The following NRXN3 variants were observed in gnomAD, a reference collection of about 807,000 sequenced individuals.
NRXN3 encodes the protein neurexin 3.
Under a neutral mutation model 137.6 loss-of-function variants are expected in NRXN3, and 32 were observed. The observed-to-expected ratio is 0.23, with a 90% CI of 0.18 to 0.31. The LOEUF is 0.31. Among genes scored for constraint, NRXN3 ranks in the 10% least tolerant of loss-of-function variants. The probability of loss-of-function intolerance (pLI) is 1.00; values close to 1 mark genes in which losing one functional copy is unlikely to be tolerated. For synonymous variants in NRXN3, 798 were observed against 784.5 expected (o/e 1.02, Z -0.29); for missense variants, 1,574 against 2,062.5 (o/e 0.76, Z 4.59).
intron 19 of NRXN3, among the ~76,000 whole-genome samples, chr14:79,749,662 A>G (rs538854109): frequency 9.9e-5 from 15 of 152,180 alleles, no homozygotes; most frequent in African/African-American, 3.6e-4. Flanking sequence ...GTTGCCTCAC[A>G]TTGGATGTCA....
chr14:78,642,918 A>G (rs2097649664), intron 4 of NRXN3, among the ~76,000 whole-genome samples: 2 of 152,188 alleles, frequency 1.3e-5, no homozygotes, highest in African/African-American at 4.8e-5. Flanking sequence ...TACATGTGCA[A>G]GCTACCCTGT....
intron 19 of NRXN3, among the ~76,000 whole-genome samples, chr14:79,721,908 C>A (rs759439011): frequency 4.6e-5 from 7 of 152,082 alleles, no homozygotes; most frequent in Non-Finnish European, 1.0e-4. Context: ...AGATCTTACT[C>A]ACTTTTAATC....
chr14:79,796,587 G>T (rs1434027477), intron 19 of NRXN3, among the ~76,000 whole-genome samples: 1 of 152,092 alleles, frequency 6.6e-6, no homozygotes, highest in Non-Finnish European at 1.5e-5. Flanking sequence ...GACCTCAAGG[G>T]TAGAAATAAA....
chr14:78,499,122 ATTAT>A (rs1180434989), intron 4 of NRXN3, among the ~76,000 whole-genome samples: 2 of 152,094 alleles, frequency 1.3e-5, no homozygotes, highest in East Asian at 3.9e-4. Context: ...AATGTGAGCT[ATTAT>A]TTCTCTTTCT....
At chr14:78,756,109 A>G (rs1326885123) in intron 8 of NRXN3, among the ~76,000 whole-genome samples, 1 of 152,190 alleles carries the variant, frequency 6.6e-6, no homozygotes, top group East Asian at 1.9e-4. Flanking sequence ...AGAGTCATTG[A>G]GGGCTTCCCT....
chr14:78,582,404 G>T lies in NRXN3; in HGVS notation c.758-62716G>T, dbSNP rs148740508. Among the ~76,000 whole-genome samples, 856 of 152,298 alleles carry T rather than the reference G, an allele frequency of 5.6e-3. 6 individuals are homozygous for T. The highest frequency in any genetic ancestry group is 0.02 in the African/African-American group (819 of 41,570). On this transcript the variant is annotated intron_variant, in intron 4 of 20. Coordinates refer to ENST00000335750, the MANE Select transcript of NRXN3 (RefSeq NM_001330195.2). ...GCATCTCTTTCTAAATTGTTATTAT[G>T]AAGAGAATAGCTACTGTGGTTTGAA...
chr14:78,803,714 C>T lies in NRXN3; in HGVS notation c.2139C>T (p.Phe713=), dbSNP rs2098846380. The T allele has an allele frequency of 6.2e-7, 1 of 1,614,090 alleles. No homozygotes were observed. The highest frequency in any genetic ancestry group is 8.5e-7 in the Non-Finnish European group (1 of 1,179,974). Residue 713 remains phenylalanine (F), a synonymous_variant, in exon 9 of 21, where the codon TTC becomes TTT. Coordinates refer to ENST00000335750, the MANE Select transcript of NRXN3 (RefSeq NM_001330195.2). ...AGGCAGAGGATGTGTCCTTCCGCTTCATGTCCCAGCGAGCTTATGGGCTGC... is the reference window on the plus strand; with the variant it reads ...AGGCAGAGGATGTGTCCTTCCGCTTTATGTCCCAGCGAGCTTATGGGCTGC... ...HTEAEDVSFR[F]MSQRAYGLLV... is the part of the protein sequence containing the mutation.
intron 19 of NRXN3, among the ~76,000 whole-genome samples, chr14:79,738,222 G>C (rs2098948656): frequency 6.6e-6 from 1 of 152,048 alleles, no homozygotes; most frequent in South Asian, 2.1e-4. Context: ...TAAGGACCTT[G>C]AGATGAGGAA....
At chr14:78,566,130 G>A (rs989723395) in intron 4 of NRXN3, among the ~76,000 whole-genome samples, 2 of 152,042 alleles carry the variant, frequency 1.3e-5, no homozygotes, top group Non-Finnish European at 2.9e-5. Context: ...CCTGTGTTAA[G>A]CTCATGCCGG....
intron 19 of NRXN3, among the ~76,000 whole-genome samples, chr14:79,752,591 G>C (rs576324806): frequency 6.6e-6 from 1 of 152,108 alleles, no homozygotes. Flanking sequence ...AGACTTAAAT[G>C]TTAGACCTAA....
intron 4 of NRXN3, among the ~76,000 whole-genome samples, chr14:78,612,843 A>G (rs1385003827): frequency 6.6e-6 from 1 of 151,818 alleles, no homozygotes; most frequent in African/African-American, 2.4e-5. Context: ...GCCTCTAACA[A>G]AATGTTCTGT....
At chr14:78,235,014 A>G (rs796622512) in intron 1 of NRXN3, among the ~76,000 whole-genome samples, 4 of 96,238 alleles carry the variant, frequency 4.2e-5, no homozygotes, top group Non-Finnish European at 6.0e-5. Context: ...ATATATATAT[A>G]TATATATATG....
At chr14:78,214,549 G>A (rs145919480) in intron 1 of NRXN3, among the ~76,000 whole-genome samples, 5 of 152,262 alleles carry the variant, frequency 3.3e-5, no homozygotes, top group African/African-American at 4.8e-5. Flanking sequence ...GGACACACTC[G>A]GGATGCTTAG....
chr14:79,242,720 G>T (rs1299570385), intron 15 of NRXN3, among the ~76,000 whole-genome samples: 1 of 152,134 alleles, frequency 6.6e-6, no homozygotes, highest in Non-Finnish European at 1.5e-5. Context: ...CAACCTGAGG[G>T]CTAAAGTCTC....
rs554654576 is a variant in NRXN3, at chr14:79,637,729, C to CTTTT, written c.3445-26034_3445-26031dup. Among the ~76,000 whole-genome samples the CTTTT allele has an allele frequency of 3.0e-4, 29 of 95,618 alleles. 3 individuals carry two copies. The highest frequency in any genetic ancestry group is 4.4e-4 in the African/African-American group (8 of 18,388). The allele number at this position is 95,618 out of a possible 152,430, so 62.7% of individuals were successfully genotyped here. A position where few individuals can be genotyped will look rare whatever the true frequency, so the allele number is the denominator to read the frequency against. ...AACTGATGTAAGATATAGAAAAGTT[C>CTTTT]TTTTTTTTTTTTTTTTTTGAGATGG... On this transcript the variant is annotated intron_variant, in intron 16 of 20. Transcript: ENST00000335750.
At chr14:79,758,499 C>G (rs2099027603) in intron 19 of NRXN3, among the ~76,000 whole-genome samples, 1 of 152,170 alleles carries the variant, frequency 6.6e-6, no homozygotes, top group Admixed American at 6.6e-5. Context: ...GAGGAAGGCA[C>G]CAAGCCATTC....
At chr14:79,615,643 C>A (rs2098145710) in intron 16 of NRXN3, among the ~76,000 whole-genome samples, 1 of 152,132 alleles carries the variant, frequency 6.6e-6, no homozygotes, top group African/African-American at 2.4e-5. Context: ...ACAAACACAT[C>A]CTTCTTCACA....
chr14:79,821,087 ATCT>A (rs2099270814), intron 20 of NRXN3, among the ~76,000 whole-genome samples: 1 of 152,216 alleles, frequency 6.6e-6, no homozygotes, highest in Non-Finnish European at 1.5e-5. Flanking sequence ...GCACGGGGTC[ATCT>A]TCTAAAATAA....
At chr14:78,248,050 C>A (rs1023448698) in intron 2 of NRXN3, among the ~76,000 whole-genome samples, 1 of 152,116 alleles carries the variant, frequency 6.6e-6, no homozygotes, top group Non-Finnish European at 1.5e-5. Flanking sequence ...TCACATTTTA[C>A]GTTGATTCAG....
Sources: gnomAD v4.1 joint callset for allele counts (sites outside exome capture counted in the v4.1 genomes callset) on GRCh38, gnomAD v4.1.1 for gene constraint, MANE v1.5 for transcripts, NCBI Gene and HGNC (gene_info 2026-07-23, HGNC 2026-07-21) for gene names.